SLC6A12: variants seen among roughly 807,000 people sequenced by gnomAD.
SLC6A12 encodes the protein sodium- and chloride-dependent betaine transporter.
A neutral mutation model predicts 73.3 loss-of-function variants in SLC6A12; 50 were observed. That is an observed-to-expected ratio of 0.68 (90% CI 0.54 to 0.86). The LOEUF (loss-of-function observed/expected upper bound fraction) is 0.86. Among genes scored for constraint, SLC6A12 ranks in the 40% least tolerant of loss-of-function variants. SLC6A12 has a pLI of 0.00. For synonymous variants in SLC6A12, 304 were observed against 309.2 expected, an observed-to-expected ratio of 0.98 and a Z score of 0.18; for missense variants, 648 against 772.8, an observed-to-expected ratio of 0.84 and a Z score of 1.92.
intron 13 of SLC6A12, among the ~76,000 whole-genome samples, chr12:193,745 T>A (rs1442117549): frequency 6.6e-6 from 1 of 152,130 alleles, no homozygotes; most frequent in African/African-American, 2.4e-5. Flanking sequence ...TGAATTTGGT[T>A]CAAGCCAAAA....
In SLC6A12 at chr12:196,757, T is replaced by C. The variant is rs1266898131; in HGVS notation, c.1188+13A>G. ...GTCACCACGGCAGGGCAGGCTGGGC[T>C]GCAGTGACGTACCTGGCTGTCCAGC... On this transcript the variant is annotated intron_variant, in intron 11 of 15. Coordinates refer to ENST00000684302, the MANE Select transcript of SLC6A12 (RefSeq NM_001122848.3). 2.5e-6 allele frequency: 4 copies of C among 1,584,526 alleles called. No homozygotes were observed. The highest frequency in any genetic ancestry group is 3.5e-6 in the Non-Finnish European group (4 of 1,153,758).
intron 13 of SLC6A12, among the ~76,000 whole-genome samples, chr12:194,411 C>T (rs1939764781): frequency 1.3e-5 from 2 of 152,248 alleles, no homozygotes; most frequent in African/African-American, 4.8e-5. Flanking sequence ...GGCCCTCTGC[C>T]CTGAACCTTG....
chr12:188,038 G>A (rs894435206), downstream of SLC6A12, among the ~76,000 whole-genome samples: 9 of 152,214 alleles, frequency 5.9e-5, no homozygotes, highest in African/African-American at 2.2e-4. Flanking sequence ...CCAGACTCAG[G>A]AGCCCAGCTG....
chr12:207,229 C>T (rs1334506452), intron 3 of SLC6A12, among the ~76,000 whole-genome samples: 1 of 152,228 alleles, frequency 6.6e-6, no homozygotes, highest in Non-Finnish European at 1.5e-5. Flanking sequence ...TGGGCACGGG[C>T]GGCCCAGCGA....
downstream of SLC6A12, among the ~76,000 whole-genome samples, chr12:185,590 T>C (rs1939416936): frequency 6.6e-6 from 1 of 152,262 alleles, no homozygotes; most frequent in Admixed American, 6.5e-5. Context: ...GGTTATGCAC[T>C]GACCCTGTGG....
chr12:193,509 C>A (rs572885121), intron 13 of SLC6A12, 132 bp from the exon 14 acceptor site: 9 of 625,414 alleles, frequency 1.4e-5, no homozygotes, highest in Non-Finnish European at 2.3e-5. Context: ...GAACAGGGCA[C>A]GTGAGTGAGA....
intron 4 of SLC6A12, chr12:204,277 C>T (rs191748806): frequency 5.7e-4 from 222 of 390,238 alleles, no homozygotes; most frequent in Non-Finnish European, 8.2e-4. Flanking sequence ...TCCAGCCCCT[C>T]GCTTCTGCCC....
At position 198,779 on chromosome 12, in the gene SLC6A12, TC is replaced by T. The variant is rs1371467525; in HGVS notation, c.846+17del. The T allele has an allele frequency of 5.0e-6, 8 of 1,613,092 alleles. No homozygotes were observed. The African/African-American group carries it at 9.3e-5, about 19-fold the overall frequency. The stretch of plus-strand genomic sequence containing the variant: ...GTGGGGAAGGCACCTGGGGAAGTGG[TC>T]CCAGCACGGTACATACCTGAGGGTC... On this transcript the variant is annotated intron_variant, in intron 8 of 15. Transcript: ENST00000684302. The surrounding 1 kb of genome is among the most constrained non-coding windows in gnomAD (Gnocchi z 4.0).
intron 3 of SLC6A12, 197 bp downstream of exon 3, chr12:209,576 C>T: frequency 1.6e-6 from 1 of 617,786 alleles, no homozygotes; most frequent in East Asian, 2.8e-5. Flanking sequence ...CACCGTCACC[C>T]TGGGAGGTAT....
At chr12:191,726 CTG>C (rs1167227510) in intron 15 of SLC6A12, among the ~76,000 whole-genome samples, 7 of 152,062 alleles carry the variant, frequency 4.6e-5, no homozygotes, top group Non-Finnish European at 1.0e-4. Flanking sequence ...GATGTGATGA[CTG>C]GAATCGTGAC....
chr12:197,194 CATTCAT>C (rs1939958572), intron 10 of SLC6A12, among the ~76,000 whole-genome samples, 177 bp downstream of exon 10: 3 of 119,328 alleles, frequency 2.5e-5, no homozygotes, highest in African/African-American at 3.3e-5. Flanking sequence ...TCCATCCATC[CATTCAT>C]CCATCCATGG....
At chr12:201,231 G>A in intron 6 of SLC6A12, 1 of 191,982 alleles carries the variant, frequency 5.2e-6, no homozygotes, top group Non-Finnish European at 1.1e-5. Flanking sequence ...TGCCTACGTG[G>A]GGGTTAGCTC....
chr12:185,798 C>T (rs1326013151), downstream of SLC6A12, among the ~76,000 whole-genome samples: 1 of 152,200 alleles, frequency 6.6e-6, no homozygotes, highest in Non-Finnish European at 1.5e-5. Context: ...GTCGCCAGGG[C>T]CCAGGGCACT....
chr12:197,842 G>A, intron 9 of SLC6A12, 58 bp downstream of exon 9: 2 of 1,280,888 alleles, frequency 1.6e-6, no homozygotes, highest in Non-Finnish European at 2.3e-6. Context: ...TCTTTGCCCA[G>A]AACCCATCCC....
At chr12:200,252 G>A (rs549401690) in intron 7 of SLC6A12, among the ~76,000 whole-genome samples, 40 of 150,812 alleles carry the variant, frequency 2.7e-4, no homozygotes, top group Admixed American at 4.6e-4. Context: ...GGGACTACAG[G>A]TGCCCACCAC....
intron 14 of SLC6A12, 143 bp downstream of exon 14, chr12:193,134 G>C: frequency 1.5e-6 from 1 of 657,548 alleles, no homozygotes; most frequent in Non-Finnish European, 2.7e-6. Flanking sequence ...AGCAGGGAAG[G>C]CAACATAGAA....
chr12:193,300 A>G lies in SLC6A12; in HGVS notation c.1507T>C (p.Phe503Leu). The G allele has an allele frequency of 6.2e-7, 1 of 1,613,620 alleles. No individual in the cohort carries two copies. The highest frequency in any genetic ancestry group is 8.5e-7 in the Non-Finnish European group (1 of 1,179,676). ...ACCAGGCAAAGTCCAGGGGTCAGGA[A>G]GAGCCAGGAGATCTTCACCAGGGGC... ...PWPLVKISWL[F>L]LTPGLCLATF... Residue 503 changes from phenylalanine to leucine, a missense_variant, in exon 14 of 16, where the codon TTC becomes CTC. Coordinates refer to ENST00000684302, the MANE Select transcript of SLC6A12 (RefSeq NM_001122848.3).
intron 3 of SLC6A12, among the ~76,000 whole-genome samples, chr12:207,543 T>C (rs1244812306): frequency 1.3e-5 from 2 of 152,244 alleles, no homozygotes; most frequent in African/African-American, 4.8e-5. Flanking sequence ...GTTTACTAAT[T>C]AATAATCAAT....
downstream of SLC6A12, among the ~76,000 whole-genome samples, chr12:185,848 T>TA (rs1450794795): frequency 2.0e-5 from 3 of 152,206 alleles, no homozygotes; most frequent in Non-Finnish European, 4.4e-5. Flanking sequence ...GGCTTGGCTC[T>TA]CATCTCACCC....
Sources: gnomAD v4.1 joint callset for allele counts (sites outside exome capture counted in the v4.1 genomes callset) on GRCh38, gnomAD v4.1.1 for gene constraint, Gnocchi (gnomAD v3.1) non-coding constraint, MANE v1.5 for transcripts, NCBI Gene and HGNC (gene_info 2026-07-23, HGNC 2026-07-21) for gene names.